The following ZNF343 variants were observed in gnomAD, a reference collection of about 807,000 sequenced individuals.
ZNF343 encodes the protein zinc finger protein 343.
Under a neutral mutation model 13.8 loss-of-function variants are expected in ZNF343, and 11 were observed. The ratio of observed to expected loss-of-function variants is 0.80; its 90% CI spans 0.50 to 1.32. The LOEUF (loss-of-function observed/expected upper bound fraction) is 1.32. ZNF343 is among the 40% of genes most tolerant of loss of function. The probability of loss-of-function intolerance (pLI) is 0.00; values close to 1 mark genes in which losing one functional copy is unlikely to be tolerated. For synonymous variants in ZNF343, 248 were observed against 260.0 expected (o/e 0.95, Z 0.44); for missense variants, 658 against 714.2 (o/e 0.92, Z 0.90).
At chr20:2,500,820 T>G (rs1048584564) in intron 1 of ZNF343, 78 bp from the exon 2 acceptor site, 1 of 151,946 alleles carries the variant, frequency 6.6e-6, no homozygotes, top group Non-Finnish European at 1.5e-5. Flanking sequence ...TCCCCAAGTT[T>G]AAAATGAGAC....
At chr20:2,507,613 A>C (rs1050551611) in intron 1 of ZNF343, among the ~76,000 whole-genome samples, 1 of 152,178 alleles carries the variant, frequency 6.6e-6, no homozygotes, top group Non-Finnish European at 1.5e-5. Context: ...CTAGCTGTGG[A>C]GCGCCACACG....
intron 5 of ZNF343, among the ~76,000 whole-genome samples, chr20:2,487,596 C>T (rs1053907610): frequency 6.6e-6 from 1 of 152,230 alleles, no homozygotes; most frequent in Admixed American, 6.5e-5. Context: ...AATTAGGTTA[C>T]TCTGATCTTT....
chr20:2,487,058 C>G (rs1275069051), intron 5 of ZNF343, among the ~76,000 whole-genome samples: 1 of 152,214 alleles, frequency 6.6e-6, no homozygotes, highest in Non-Finnish European at 1.5e-5. Context: ...CAGATTTGGC[C>G]TGTAGACCCT....
At chr20:2,513,609 AC>A (rs2085747266), upstream of ZNF343, among the ~76,000 whole-genome samples, 1 of 152,192 alleles carries the variant, frequency 6.6e-6, no homozygotes, top group African/African-American at 2.4e-5. Flanking sequence ...TTAGCATTTG[AC>A]CCAGCATTTC....
chr20:2,512,825 C>T (rs144055776), upstream of ZNF343, among the ~76,000 whole-genome samples: 1,582 of 151,960 alleles, frequency 0.01, 32 homozygotes, highest in African/African-American at 0.037. Flanking sequence ...GTGGCTCACC[C>T]CTGTAATCCC....
Position 2,518,230 on chromosome 20 carries a change from T to C in ZNF343, c.-347+6225A>G, listed in dbSNP as rs192888114. ...CGTAGTTTCGCCATGTTGACCAGGC[T>C]TGTCTTGAACTCCTGAACTCAGACA... On this transcript the variant is annotated intron_variant, in intron 1 of 6. Coordinates refer to the ZNF343 transcript ENST00000358413. This position sits in a 1 kb window ranked among gnomAD's most constrained non-coding sequence, Gnocchi z 4.6. Among the ~76,000 whole-genome samples the C allele has an allele frequency of 6.6e-6, 1 of 152,296 alleles. No individual in the cohort carries two copies. Among genetic ancestry groups the C allele is most frequent in the East Asian group, 1.9e-4 (1 of 5,166 alleles).
intron 5 of ZNF343, among the ~76,000 whole-genome samples, chr20:2,488,402 G>A (rs1307825369): frequency 2.0e-5 from 3 of 151,758 alleles, no homozygotes; most frequent in Admixed American, 2.0e-4. Flanking sequence ...AATTTGAGAT[G>A]CCACCTTCAT....
At position 2,482,888 on chromosome 20, in the gene ZNF343, C is replaced by A; in HGVS notation, c.*273G>T. The A allele has an allele frequency of 2.2e-6, 1 of 446,766 alleles. No homozygotes were observed. The highest frequency in any genetic ancestry group is 4.0e-6 in the Non-Finnish European group (1 of 251,814). The allele number at this position is 446,766 out of a possible 1,614,324, so 27.7% of individuals were successfully genotyped here. A position where few individuals can be genotyped will look rare whatever the true frequency, so the allele number is the denominator to read the frequency against. On this transcript the variant is annotated 3_prime_UTR_variant, in exon 6 of 6. Transcript: ENST00000278772. The stretch of plus-strand genomic sequence containing the variant: ...ATGTTGATTATTGCTAAAGCCTTCC[C>A]ACAGTCCCTACACATAAACTTCTCT...
At chr20:2,502,304 G>A (rs987011550) in intron 1 of ZNF343, among the ~76,000 whole-genome samples, 3 of 152,154 alleles carry the variant, frequency 2.0e-5, no homozygotes, top group African/African-American at 7.2e-5. Flanking sequence ...AAGAAATATG[G>A]GACTATGTGA....
chr20:2,520,104 A>T (rs1190222645), intron 1 of ZNF343, among the ~76,000 whole-genome samples: 2 of 152,194 alleles, frequency 1.3e-5, no homozygotes, highest in Non-Finnish European at 2.9e-5. Flanking sequence ...ATTTCTACTA[A>T]TTCAACATAA....
At chr20:2,498,333 G>A (rs1437365743) in intron 2 of ZNF343, among the ~76,000 whole-genome samples, 5 of 152,192 alleles carry the variant, frequency 3.3e-5, no homozygotes, top group Admixed American at 1.3e-4. Flanking sequence ...TCCAGCCTGC[G>A]CAAAAAGAGC....
chr20:2,498,774 T>C (rs1386406813), intron 2 of ZNF343, among the ~76,000 whole-genome samples: 1 of 152,170 alleles, frequency 6.6e-6, no homozygotes, highest in Non-Finnish European at 1.5e-5. Context: ...ATTATACAGA[T>C]GAGGAGTAGA....
upstream of ZNF343, among the ~76,000 whole-genome samples, chr20:2,513,516 C>G (rs1240226370): frequency 1.3e-5 from 2 of 152,194 alleles, no homozygotes; most frequent in Non-Finnish European, 2.9e-5. Flanking sequence ...AACCCTTATA[C>G]TGTACATTGC....
chr20:2,497,209 C>G (rs1395215517), intron 2 of ZNF343, among the ~76,000 whole-genome samples: 1 of 152,092 alleles, frequency 6.6e-6, no homozygotes, highest in African/African-American at 2.4e-5. Context: ...GTGGAGATTA[C>G]AAGTAGGCAA....
intron 5 of ZNF343, among the ~76,000 whole-genome samples, chr20:2,487,628 T>C (rs1449524549): frequency 6.6e-6 from 1 of 152,234 alleles, no homozygotes; most frequent in Non-Finnish European, 1.5e-5. Context: ...AATGCTACAA[T>C]GAATAACCCT....
At chr20:2,499,744 C>CTGGTGACCAGGGA (rs1439016918) in intron 2 of ZNF343, among the ~76,000 whole-genome samples, 2 of 152,268 alleles carry the variant, frequency 1.3e-5, no homozygotes, top group South Asian at 4.1e-4. Flanking sequence ...AGAGCTCCGG[C>CTGGTGACCAGGGA]TGGTGACCAG....
Position 2,508,165 on chromosome 20 carries a change from C to T in ZNF343, c.-237+716G>A, listed in dbSNP as rs981273187. ...CCTGTCAGAGTGATACAGCCCACCA[C>T]TATCAGAGGACGAAACCTCCCTCAC... On this transcript the variant is annotated intron_variant, in intron 1 of 5. Transcript: ENST00000278772. This position sits in a 1 kb window ranked among gnomAD's most constrained non-coding sequence, Gnocchi z 4.5. 2.0e-5 allele frequency among the ~76,000 whole-genome samples: 3 copies of T among 152,114 alleles called. No individual in the cohort carries two copies. The highest frequency in any genetic ancestry group is 4.4e-5 in the Non-Finnish European group (3 of 68,028).
intron 5 of ZNF343, among the ~76,000 whole-genome samples, chr20:2,488,281 T>A (rs976465196): frequency 6.6e-6 from 1 of 152,008 alleles, no homozygotes; most frequent in Non-Finnish European, 1.5e-5. Context: ...CTCTAGTCAT[T>A]TGGGATTTTT....
At chr20:2,516,076 TAGGGTG>T (rs1257737277) in intron 1 of ZNF343, among the ~76,000 whole-genome samples, 5 of 151,730 alleles carry the variant, frequency 3.3e-5, no homozygotes, top group Non-Finnish European at 5.9e-5. Flanking sequence ...GAATGGGGGC[TAGGGTG>T]AGGGTGAGGT....
Sources: allele counts gnomAD v4.1 joint callset (sites outside exome capture counted in the v4.1 genomes callset), GRCh38; gene constraint gnomAD v4.1.1; non-coding constraint Gnocchi (gnomAD v3.1); transcripts MANE v1.5; gene names NCBI Gene and HGNC (gene_info 2026-07-23, HGNC 2026-07-21).